Variants in SCN3A observed in about 807,000 individuals in gnomAD.
SCN3A encodes sodium channel protein type 3 subunit alpha.
SCN3A carries 60 observed loss-of-function variants against 187.6 expected under a neutral mutation model. The observed-to-expected ratio is 0.32, with a 90% confidence interval of 0.26 to 0.40. The LOEUF (loss-of-function observed/expected upper bound fraction) is 0.40, where lower values mean the gene tolerates loss of function less well. SCN3A is among the 10% of genes least tolerant of loss of function. The pLI is 1.00. For missense variants in SCN3A, 1,601 were observed against 2,428.2 expected (o/e 0.66, Z 7.16); for synonymous variants, 788 against 829.2 (o/e 0.95, Z 0.85).
intron 21 of SCN3A, among the ~76,000 whole-genome samples, chr2:165,102,030 A>G (rs969892033): frequency 6.6e-6 from 1 of 152,246 alleles, no homozygotes; most frequent in African/African-American, 2.4e-5. Flanking sequence ...ATTAGAGAAC[A>G]CACAGGCTTC....
At chr2:165,110,597 A>G (rs1686066007) in intron 21 of SCN3A, among the ~76,000 whole-genome samples, 1 of 152,198 alleles carries the variant, frequency 6.6e-6, no homozygotes, top group South Asian at 2.1e-4. Context: ...GTACTTTCAA[A>G]CACTGTTTTA....
intron 2 of SCN3A, among the ~76,000 whole-genome samples, chr2:165,176,875 C>G (rs772515736): frequency 2.0e-5 from 3 of 152,100 alleles, no homozygotes; most frequent in Non-Finnish European, 4.4e-5. Flanking sequence ...CTGCATCCTG[C>G]CCCCCGCCTT....
At chr2:165,127,545 T>G in intron 18 of SCN3A, 86 bp downstream of exon 18, 1 of 1,024,036 alleles carries the variant, frequency 9.8e-7, no homozygotes. Context: ...TTTTTGATAA[T>G]GCATATAAGC....
intron 1 of SCN3A, among the ~76,000 whole-genome samples, chr2:165,190,033 G>C (rs1417746929): frequency 2.0e-5 from 3 of 152,160 alleles, no homozygotes; most frequent in East Asian, 3.9e-4. Context: ...TTTGCCATGA[G>C]GAAGGGACAG....
Position 165,118,823 on chromosome 2 carries a change from C to T in SCN3A, c.3394-3248G>A, listed in dbSNP as rs1450453449. Among the ~76,000 whole-genome samples the T allele has an allele frequency of 4.6e-5, 7 of 151,562 alleles. No individual in the cohort carries two copies. The South Asian group carries it at 6.2e-4, about 14-fold the overall frequency. On this transcript the variant is annotated intron_variant, in intron 18 of 27. Transcript: ENST00000283254. The stretch of plus-strand genomic sequence containing the variant: ...TGTCACCCAGGCTGGAGTGCAGTGG[C>T]GCAGTCTCGGCTCACTGCAAGCTCC...
At chr2:165,160,159 C>T (rs1466479618) in intron 9 of SCN3A, among the ~76,000 whole-genome samples, 1 of 136,468 alleles carries the variant, frequency 7.3e-6, no homozygotes, top group Non-Finnish European at 1.5e-5. Context: ...ACAAAAATCT[C>T]ATCACCAATG....
At position 165,164,499 on chromosome 2, in the gene SCN3A, A is replaced by G; in HGVS notation, c.495T>C (p.Tyr165=). Residue 165 remains tyrosine, a synonymous_variant, in exon 6 of 28, where the codon TAT becomes TAC. Transcript: ENST00000283254. ...AGATTTTTATAAGTGACTCAAAGGTATAGATTCCAGTGAATGTGTACCTAG... is the reference window on the plus strand; with the variant it reads ...AGATTTTTATAAGTGACTCAAAGGTGTAGATTCCAGTGAATGTGTACCTAG... ...KNVEYTFTGI[Y]TFESLIKILA... 3 of 1,613,790 alleles carry G rather than the reference A, an allele frequency of 1.9e-6. No homozygotes were observed. Among genetic ancestry groups the G allele is most frequent in the Non-Finnish European group, 2.5e-6 (3 of 1,179,780 alleles).
intron 9 of SCN3A, among the ~76,000 whole-genome samples, chr2:165,158,577 G>A (rs1412652698): frequency 2.9e-5 from 4 of 136,714 alleles, no homozygotes; most frequent in Non-Finnish European, 6.0e-5. Context: ...CCCTCACCAT[G>A]AACCCCTGGA....
intron 21 of SCN3A, among the ~76,000 whole-genome samples, chr2:165,110,827 C>T (rs180964438): frequency 3.4e-4 from 52 of 152,230 alleles, no homozygotes; most frequent in African/African-American, 1.1e-3. Context: ...GGGCACCATT[C>T]GTTTGTCATT....
At chr2:165,112,844 CTT>C in intron 21 of SCN3A, 39 bp downstream of exon 21, 1 of 1,572,944 alleles carries the variant, frequency 6.4e-7, no homozygotes, top group Non-Finnish European at 8.7e-7. Flanking sequence ...AAACTTGCCT[CTT>C]TTAAAAACAA....
At chr2:165,168,959 A>G (rs1689946277) in intron 4 of SCN3A, 134 bp from the exon 5 acceptor site, 1 of 660,790 alleles carries the variant, frequency 1.5e-6, no homozygotes, top group African/African-American at 1.8e-5. Context: ...TGATAAAATA[A>G]TAAGAAACTT....
In SCN3A at chr2:165,100,339, C is replaced by T; in HGVS notation, c.3929G>A (p.Arg1310Lys). The T allele has an allele frequency of 6.2e-7, 1 of 1,613,846 alleles. No homozygotes were observed. The change falls in exon 22 of 28, where the codon AGA becomes AAA. Residue 1310 changes from arginine (R) to lysine (K), a missense_variant. Arg to Lys is a conservative substitution (Grantham distance 26). Transcript: ENST00000283254. ...IKSLRTLRAL[R>K]PLRALSRFEG... Reference sequence around the variant, plus strand: ...AAACCGGGATAAGGCTCTTAGAGGTCTTAAAGCTCTTAATGTCCGTAATGA... The same window carrying T: ...AAACCGGGATAAGGCTCTTAGAGGTTTTAAAGCTCTTAATGTCCGTAATGA...
chr2:165,096,454 G>A lies in SCN3A; in HGVS notation c.4293+13C>T, dbSNP rs201033833. 48 of 1,599,872 alleles carry A rather than the reference G, an allele frequency of 3.0e-5. No homozygotes were observed. The highest frequency in any genetic ancestry group is 3.8e-5 in the Non-Finnish European group (44 of 1,167,620). ...AATCTAGAACCTATAAATAATATTT[G>A]AGTGATACTTACATCTCGTGAATCA... On this transcript the variant is annotated intron_variant, in intron 24 of 27. Transcript: ENST00000283254.
intron 11 of SCN3A, among the ~76,000 whole-genome samples, chr2:165,152,562 A>T (rs1232029454): frequency 6.6e-6 from 1 of 152,214 alleles, no homozygotes; most frequent in East Asian, 1.9e-4. Context: ...TAGCAGCATG[A>T]TTTATATTCC....
intron 13 of SCN3A, 55 bp from the exon 14 acceptor site, chr2:165,139,663 C>T: frequency 6.2e-6 from 10 of 1,605,524 alleles, no homozygotes; most frequent in East Asian, 4.5e-5. Flanking sequence ...TAATACAACA[C>T]CACATAGCAT....
intron 21 of SCN3A, among the ~76,000 whole-genome samples, chr2:165,102,228 A>G (rs556801576): frequency 6.6e-6 from 1 of 152,336 alleles, no homozygotes; most frequent in African/African-American, 2.4e-5. Context: ...AAGAAAAGTA[A>G]AACTGGGTGT....
intron 1 of SCN3A, among the ~76,000 whole-genome samples, chr2:165,192,423 A>G (rs547608963): frequency 4.6e-5 from 7 of 152,300 alleles, no homozygotes; most frequent in African/African-American, 1.7e-4. Context: ...TAACAAATAT[A>G]TAAGATAAAC....
At chr2:165,146,708 AG>A (rs759522911) in intron 12 of SCN3A, 30 bp downstream of exon 12, 1 of 1,613,504 alleles carries the variant, frequency 6.2e-7, no homozygotes, top group Non-Finnish European at 8.5e-7. Context: ...GCAATGACAA[AG>A]AAACCAGAGC....
At chr2:165,121,309 C>T (rs978684970) in intron 18 of SCN3A, among the ~76,000 whole-genome samples, 4 of 152,056 alleles carry the variant, frequency 2.6e-5, no homozygotes, top group African/African-American at 4.8e-5. Flanking sequence ...GCATGTGCTC[C>T]GGACCTTAGT....
Sources: gnomAD v4.1 joint callset for allele counts (sites outside exome capture counted in the v4.1 genomes callset) on GRCh38, gnomAD v4.1.1 for gene constraint, MANE v1.5 for transcripts, NCBI Gene and HGNC (gene_info 2026-07-23, HGNC 2026-07-21) for gene names.